Variants in CNTN6 observed in about 807,000 individuals in gnomAD.
The protein encoded by CNTN6 is contactin-6.
A neutral mutation model predicts 122.8 loss-of-function variants in CNTN6; 137 were observed. The ratio of observed to expected loss-of-function variants is 1.12; its 90% CI spans 0.97 to 1.29. The LOEUF (loss-of-function observed/expected upper bound fraction) is 1.29, where lower values mean the gene tolerates loss of function less well. CNTN6 is among the 50% of genes most tolerant of loss of function. The pLI is 0.00. For synonymous variants in CNTN6, 570 were observed against 426.0 expected (o/e 1.34, Z -4.16); for missense variants, 1,634 against 1,223.4 (o/e 1.34, Z -5.01).
At chr3:1,226,062 A>T (rs2094279007) in intron 3 of CNTN6, among the ~76,000 whole-genome samples, 3 of 152,158 alleles carry the variant, frequency 2.0e-5, no homozygotes, top group African/African-American at 7.2e-5. Context: ...TATTTTTAGT[A>T]GAGGCGGGGT....
At chr3:1,212,356 G>C (rs910371935) in intron 2 of CNTN6, among the ~76,000 whole-genome samples, 10 of 148,522 alleles carry the variant, frequency 6.7e-5, no homozygotes, top group Admixed American at 4.1e-4. Flanking sequence ...GAGCCACCAT[G>C]CCCAGCCTCT....
chr3:1,103,628 A>C (rs891960891), intron 1 of CNTN6, among the ~76,000 whole-genome samples: 5 of 152,254 alleles, frequency 3.3e-5, no homozygotes, highest in Non-Finnish European at 7.3e-5. Flanking sequence ...AAAATAATCT[A>C]TTCGTTATGC....
intron 2 of CNTN6, among the ~76,000 whole-genome samples, chr3:1,150,058 A>ATTTTT (rs201373600): frequency 0.18 from 27,005 of 151,986 alleles, 3,004 homozygotes; most frequent in African/African-American, 0.31. Context: ...GATTGGATCT[A>ATTTTT]TTAAGTAGCC....
In CNTN6 at chr3:1,372,313, A is replaced by C; in HGVS notation, c.1507A>C (p.Thr503Pro). The change falls in exon 13 of 23, where the codon ACC (threonine) becomes CCC (proline). Residue 503 changes from threonine to proline, a missense_variant. Physicochemically the swap from Thr to Pro is conservative, Grantham distance 38. Transcript: ENST00000446702. ...SLIVKERTVI[T>P]VPPSKMDVTV... Reference sequence around the variant, plus strand: ...TTTCTCAACAGAGAGAACTGTCATTACCGTCCCACCTTCCAAAATGGATGT... The same window carrying C: ...TTTCTCAACAGAGAGAACTGTCATTCCCGTCCCACCTTCCAAAATGGATGT... The C allele has an allele frequency of 6.2e-7, 1 of 1,608,150 alleles. No individual in the cohort carries two copies. The highest frequency in any genetic ancestry group is 1.1e-5 in the South Asian group (1 of 89,838).
chr3:1,267,757 G>C (rs114632541), intron 4 of CNTN6, among the ~76,000 whole-genome samples: 2,700 of 151,840 alleles, frequency 0.018, 84 homozygotes, highest in African/African-American at 0.062. Context: ...GTTTTTTGGC[G>C]TCCTGGGAAT....
At chr3:1,298,058 G>A (rs1473356369) in intron 7 of CNTN6, 67 bp downstream of exon 7, 4 of 1,125,826 alleles carry the variant, frequency 3.6e-6, no homozygotes, top group Non-Finnish European at 3.9e-6. Flanking sequence ...AAACCTTTTT[G>A]TTATTCATAT....
intron 2 of CNTN6, among the ~76,000 whole-genome samples, chr3:1,204,210 G>A (rs557885985): frequency 1.3e-5 from 2 of 152,238 alleles, no homozygotes; most frequent in East Asian, 3.9e-4. Flanking sequence ...ATCTCAAAGA[G>A]GAACCAATGG....
chr3:1,129,886 A>G (rs928663583), intron 1 of CNTN6, among the ~76,000 whole-genome samples: 1 of 152,100 alleles, frequency 6.6e-6, no homozygotes, highest in Non-Finnish European at 1.5e-5. Flanking sequence ...TTTGTATAAA[A>G]TAGTTTGTTT....
intron 7 of CNTN6, among the ~76,000 whole-genome samples, chr3:1,318,050 C>G (rs923297437): frequency 2.0e-5 from 3 of 150,030 alleles, no homozygotes; most frequent in Non-Finnish European, 4.4e-5. Flanking sequence ...ATCAGACTTA[C>G]AACTCCAAAC....
At chr3:1,108,529 G>A (rs1040212478) in intron 1 of CNTN6, among the ~76,000 whole-genome samples, 25 of 151,886 alleles carry the variant, frequency 1.6e-4, no homozygotes, top group Non-Finnish European at 7.4e-5. Flanking sequence ...ATCTTGAAGC[G>A]TTTCAGATTT....
At chr3:1,384,144 C>T (rs1396531626) in intron 19 of CNTN6, among the ~76,000 whole-genome samples, 1 of 152,184 alleles carries the variant, frequency 6.6e-6, no homozygotes, top group Non-Finnish European at 1.5e-5. Context: ...ATCTGCTGTA[C>T]AACTGTGCAC....
chr3:1,241,704 T>C (rs950010949), intron 4 of CNTN6, among the ~76,000 whole-genome samples: 20 of 152,128 alleles, frequency 1.3e-4, no homozygotes, highest in Admixed American at 1.2e-3. Context: ...CAGGCCAGAT[T>C]GATTTAGGTA....
At chr3:1,277,423 A>G (rs903484011) in intron 4 of CNTN6, among the ~76,000 whole-genome samples, 4 of 128,774 alleles carry the variant, frequency 3.1e-5, no homozygotes, top group Admixed American at 2.9e-4. Flanking sequence ...ACAGTGGCGC[A>G]ATCTCGGCTC....
rs1304748778 is a variant in CNTN6, at chr3:1,220,793, T to C, written c.162T>C (p.Gly54=). 2 of 1,609,680 alleles carry C rather than the reference T, an allele frequency of 1.2e-6. No homozygotes were observed. The highest frequency in any genetic ancestry group is 2.2e-5 in the South Asian group (2 of 90,160). The change falls in exon 3 of 23, where the codon GGT becomes GGC. Residue 54 remains glycine, a synonymous_variant. Transcript: ENST00000446702. ...TCATCCTGAATTGTGCTGCTAATGG[T>C]TACCCTTCGCCTCATTATAGGTAAA... ...SEVILNCAAN[G]YPSPHYRWKQ... is the part of the protein sequence containing the mutation.
chr3:1,210,995 C>T (rs1285420570), intron 2 of CNTN6, among the ~76,000 whole-genome samples: 4 of 152,188 alleles, frequency 2.6e-5, no homozygotes, highest in Non-Finnish European at 5.9e-5. Context: ...TGACTCACTG[C>T]TGACCCACTG....
intron 2 of CNTN6, among the ~76,000 whole-genome samples, chr3:1,191,114 T>C (rs2093695839): frequency 1.3e-5 from 2 of 152,120 alleles, no homozygotes; most frequent in Non-Finnish European, 2.9e-5. Flanking sequence ...TCTTACAATT[T>C]CCTTAGTGAT....
intron 1 of CNTN6, among the ~76,000 whole-genome samples, chr3:1,101,025 G>A (rs1018693083): frequency 5.9e-5 from 9 of 152,132 alleles, no homozygotes; most frequent in African/African-American, 1.9e-4. Flanking sequence ...TGTTTGAGTT[G>A]TGTATGCTTT....
At chr3:1,108,928 C>G (rs2091350646) in intron 1 of CNTN6, among the ~76,000 whole-genome samples, 1 of 151,898 alleles carries the variant, frequency 6.6e-6, no homozygotes, top group Non-Finnish European at 1.5e-5. Flanking sequence ...CATAATAATT[C>G]AATTTTAGAA....
chr3:1,257,872 C>T (rs1314015155), intron 4 of CNTN6, among the ~76,000 whole-genome samples: 4 of 152,114 alleles, frequency 2.6e-5, no homozygotes, highest in South Asian at 2.1e-4. Flanking sequence ...GTTTCTGATG[C>T]CTTATTCTTC....
Sources: allele counts gnomAD v4.1 joint callset (sites outside exome capture counted in the v4.1 genomes callset), GRCh38; gene constraint gnomAD v4.1.1; transcripts MANE v1.5; gene names NCBI Gene and HGNC (gene_info 2026-07-23, HGNC 2026-07-21).